The following SATB2 variants were observed in gnomAD, a reference collection of about 807,000 sequenced individuals.
The protein encoded by SATB2 is DNA-binding protein SATB2.
A neutral mutation model predicts 73.4 loss-of-function variants in SATB2; 1 was observed. The observed-to-expected ratio is 0.01, with a 90% CI of 0.00 to 0.06. SATB2 has a LOEUF of 0.06. Among genes scored for constraint, SATB2 ranks in the 10% least tolerant of loss-of-function variants. The pLI is 1.00. For synonymous variants in SATB2, 397 were observed against 367.0 expected, an observed-to-expected ratio of 1.08 and a Z score of -0.93; for missense variants, 459 against 945.8, an observed-to-expected ratio of 0.49 and a Z score of 6.75.
intron 7 of SATB2, among the ~76,000 whole-genome samples, chr2:199,337,706 A>G (rs1475636537): frequency 6.6e-6 from 1 of 152,192 alleles, no homozygotes; most frequent in Non-Finnish European, 1.5e-5. Flanking sequence ...TGCAGTCTAT[A>G]CTGACAATTT....
intron 10 of SATB2, among the ~76,000 whole-genome samples, chr2:199,298,204 T>C (rs1242092109): frequency 6.6e-6 from 1 of 152,178 alleles, no homozygotes; most frequent in East Asian, 1.9e-4. Flanking sequence ...CCATCTCATA[T>C]AAACTTCAAA....
At chr2:199,397,681 G>T (rs1345843954) in intron 3 of SATB2, 1 of 277,276 alleles carries the variant, frequency 3.6e-6, no homozygotes, top group Non-Finnish European at 7.4e-6. Context: ...TTGAGGTCAG[G>T]AGTTCCAGAC....
chr2:199,427,821 A>T (rs2105921760), intron 3 of SATB2, among the ~76,000 whole-genome samples: 1 of 152,318 alleles, frequency 6.6e-6, no homozygotes, highest in Non-Finnish European at 1.5e-5. Flanking sequence ...TTCATTTCTA[A>T]CAATAAAATT....
chr2:199,288,137 A>G (rs1304203815), intron 10 of SATB2, among the ~76,000 whole-genome samples: 2 of 152,216 alleles, frequency 1.3e-5, no homozygotes, highest in Non-Finnish European at 2.9e-5. Context: ...AGGAAAAATT[A>G]GAATACTTTA....
Position 199,326,610 on chromosome 2 carries a change from G to A in SATB2, c.1386+2088C>T, listed in dbSNP as rs1192839407. ...AAGCAGAAGTAACTTTCTAAGAAGAGCTGCCTTGTCAAATGGCCATGAAGT... is the reference window on the plus strand; with the variant it reads ...AAGCAGAAGTAACTTTCTAAGAAGAACTGCCTTGTCAAATGGCCATGAAGT... On this transcript the variant is annotated intron_variant, in intron 8 of 10. Coordinates refer to ENST00000417098, the MANE Select transcript of SATB2 (RefSeq NM_001172509.2). Among the ~76,000 whole-genome samples, 3 of 152,214 alleles carry A rather than the reference G, an allele frequency of 2.0e-5. No individual in the cohort carries two copies. The South Asian group carries it at 6.2e-4, about 32-fold the overall frequency.
intron 10 of SATB2, among the ~76,000 whole-genome samples, chr2:199,275,061 T>C (rs553247807): frequency 2.0e-5 from 3 of 152,292 alleles, no homozygotes; most frequent in African/African-American, 4.8e-5. Flanking sequence ...ATTGCGCTAA[T>C]TGGAAAACAA....
intron 10 of SATB2, among the ~76,000 whole-genome samples, chr2:199,283,636 C>T (rs761729689): frequency 6.6e-6 from 1 of 151,276 alleles, no homozygotes; most frequent in African/African-American, 2.4e-5. Context: ...GCCAATGGTA[C>T]AAAAGCACTG....
Position 199,272,026 on chromosome 2 carries a change from G to A in SATB2, c.*185C>T, listed in dbSNP as rs544464325. ...AATACTGAACTTATTCAGTCTATAG[G>A]TGTATCCTGTGCAACAAAGAAATGT... On this transcript the variant is annotated 3_prime_UTR_variant, in exon 11 of 11. Transcript: ENST00000417098. This position sits in a 1 kb window ranked among gnomAD's most constrained non-coding sequence, Gnocchi z 6.7. 3.0e-6 allele frequency: 2 copies of A among 658,590 alleles called. No individual in the cohort carries two copies. The highest frequency in any genetic ancestry group is 3.5e-5 in the South Asian group (2 of 56,716). The allele number at this position is 658,590 out of a possible 1,614,324, so 40.8% of individuals were successfully genotyped here.
In SATB2 at chr2:199,271,560, TA is replaced by T. The variant is rs35758003; in HGVS notation, c.*650del. 0.51 allele frequency: 73,649 copies of T among 145,232 alleles called. 21,069 individuals carry two copies. The highest frequency in any genetic ancestry group is 0.64 in the Non-Finnish European group (42,308 of 66,518). The allele number at this position is 145,232 out of a possible 1,614,324, so 9.0% of individuals were successfully genotyped here. On this transcript the variant is annotated 3_prime_UTR_variant, in exon 11 of 11. Transcript: ENST00000417098. ...GCTGCCAGATAGGAAGCCATAGAAT[TA>T]AAAAAAAAAAATCAGGGACAAACAC...
chr2:199,444,832 A>C (rs2105942867), intron 2 of SATB2, among the ~76,000 whole-genome samples: 1 of 152,332 alleles, frequency 6.6e-6, no homozygotes, highest in Middle Eastern at 3.4e-3. Flanking sequence ...AGTTTCTATA[A>C]GTTCATTTAT....
chr2:199,429,231 C>A (rs573507985), intron 3 of SATB2, among the ~76,000 whole-genome samples: 18 of 152,150 alleles, frequency 1.2e-4, no homozygotes, highest in African/African-American at 4.3e-4. Context: ...TAATTATCTT[C>A]CCATTTATTC....
At chr2:199,414,122 C>A (rs1035528362) in intron 3 of SATB2, among the ~76,000 whole-genome samples, 1 of 152,132 alleles carries the variant, frequency 6.6e-6, no homozygotes, top group Non-Finnish European at 1.5e-5. Flanking sequence ...GATTCAAGTT[C>A]TGATACCTCT....
intron 8 of SATB2, among the ~76,000 whole-genome samples, chr2:199,324,742 G>A (rs998837430): frequency 4.6e-5 from 7 of 152,098 alleles, no homozygotes; most frequent in Non-Finnish European, 7.4e-5. Context: ...TCCAAAAGAC[G>A]GTCATAACAT....
chr2:199,296,656 G>A (rs565977287), intron 10 of SATB2, among the ~76,000 whole-genome samples: 10 of 152,178 alleles, frequency 6.6e-5, no homozygotes, highest in African/African-American at 2.4e-4. Flanking sequence ...CCATGATTGT[G>A]CCACTTCACT....
intron 2 of SATB2, among the ~76,000 whole-genome samples, chr2:199,434,940 A>C (rs1278204782): frequency 6.6e-6 from 1 of 152,170 alleles, no homozygotes; most frequent in Admixed American, 6.6e-5. Flanking sequence ...AAAGATAATA[A>C]GTATTGGGTG....
At chr2:199,282,670 T>C (rs1692561048) in intron 10 of SATB2, among the ~76,000 whole-genome samples, 1 of 152,192 alleles carries the variant, frequency 6.6e-6, no homozygotes. Context: ...GTAGTAGTTA[T>C]TACAAAACGT....
chr2:199,469,171 C>T (rs554349078), upstream of SATB2, among the ~76,000 whole-genome samples: 1 of 152,310 alleles, frequency 6.6e-6, no homozygotes, highest in East Asian at 1.9e-4. Flanking sequence ...GAGGGGAGAG[C>T]CCACTACAGG....
chr2:199,331,080 T>A lies in SATB2; in HGVS notation c.1174-2170A>T, dbSNP rs185736310. Among the ~76,000 whole-genome samples, 168 of 152,242 alleles carry A rather than the reference T, an allele frequency of 1.1e-3. 1 individual carries two copies. The highest frequency in any genetic ancestry group is 3.2e-3 in the Admixed American group (49 of 15,262). On this transcript the variant is annotated intron_variant, in intron 7 of 10. Coordinates refer to ENST00000417098, the MANE Select transcript of SATB2 (RefSeq NM_001172509.2). ...TATTTTAACAAGTTGTGGAGTTTAT[T>A]ATGGGAAAGATTTTGGATACGAAAT...
chr2:199,447,036 G>A (rs537162668), intron 2 of SATB2, among the ~76,000 whole-genome samples: 3 of 152,200 alleles, frequency 2.0e-5, no homozygotes, highest in Admixed American at 1.3e-4. Flanking sequence ...ACCACACATG[G>A]GGGTAACCCG....
Sources: gnomAD v4.1 joint callset for allele counts (sites outside exome capture counted in the v4.1 genomes callset) on GRCh38, gnomAD v4.1.1 for gene constraint, Gnocchi (gnomAD v3.1) non-coding constraint, MANE v1.5 for transcripts, NCBI Gene and HGNC (gene_info 2026-07-23, HGNC 2026-07-21) for gene names.